Variants in LITAF observed in about 807,000 individuals in gnomAD.
LITAF encodes the protein lipopolysaccharide-induced tumor necrosis factor-alpha factor.
Under a neutral mutation model 14.5 loss-of-function variants are expected in LITAF, and 9 were observed. The ratio of observed to expected loss-of-function variants is 0.62; its 90% confidence interval spans 0.37 to 1.08. LITAF has a LOEUF of 1.08. LITAF is among the 50% of genes least tolerant of loss of function. The pLI, the probability that LITAF is intolerant of heterozygous loss-of-function variation, is 0.01. For missense variants in LITAF, 206 were observed against 213.4 expected, an observed-to-expected ratio of 0.97 and a Z score of 0.22; for synonymous variants, 98 against 88.2, an observed-to-expected ratio of 1.11 and a Z score of -0.62.
intron 1 of LITAF, among the ~76,000 whole-genome samples, chr16:11,585,161 G>T (rs759753751): frequency 2.0e-5 from 3 of 151,080 alleles, no homozygotes; most frequent in Non-Finnish European, 3.0e-5. Flanking sequence ...GGGTGGGGAG[G>T]GTTAGAGGTT....
At position 11,548,015 on chromosome 16, in the gene LITAF, G is replaced by T. The variant is rs1461424825; in HGVS notation, c.*1622C>A. 4.4e-6 allele frequency: 2 copies of T among 453,974 alleles called. No individual in the cohort carries two copies. Among genetic ancestry groups the T allele is most frequent in the Non-Finnish European group, 8.8e-6 (2 of 226,780 alleles). The allele number at this position is 453,974 out of a possible 1,614,324, so 28.1% of individuals were successfully genotyped here. A position where few individuals can be genotyped will look rare whatever the true frequency, so the allele number is the denominator to read the frequency against. On this transcript the variant is annotated 3_prime_UTR_variant, in exon 4 of 4. Coordinates refer to ENST00000622633, the MANE Select transcript of LITAF (RefSeq NM_001136472.2). ...TAAATAGTTCACCGGGTGAACCAAA[G>T]ACTTTATTTTTCAAAAGCAGGTAAC...
intron 3 of LITAF, among the ~76,000 whole-genome samples, chr16:11,622,604 T>G (rs2065058070): frequency 6.6e-6 from 1 of 152,236 alleles, no homozygotes; most frequent in African/African-American, 2.4e-5. Context: ...TCGAGATTGC[T>G]TTTGCACCGT....
At chr16:11,627,103 C>T (rs571702171) in intron 3 of LITAF, among the ~76,000 whole-genome samples, 2 of 152,272 alleles carry the variant, frequency 1.3e-5, no homozygotes, top group East Asian at 3.9e-4. Flanking sequence ...CCTTCCTAGC[C>T]CCAGGGGCTG....
At chr16:11,600,054 G>A (rs1476553595), upstream of LITAF, among the ~76,000 whole-genome samples, 1 of 152,062 alleles carries the variant, frequency 6.6e-6, no homozygotes, top group Non-Finnish European at 1.5e-5. The surrounding 1 kb of genome is among the most constrained non-coding windows in gnomAD (Gnocchi z 4.1). Context: ...GGAGTGCAGT[G>A]GCGTGATCAT....
chr16:11,555,572 T>C (rs975322484), intron 2 of LITAF, among the ~76,000 whole-genome samples: 2 of 150,616 alleles, frequency 1.3e-5, no homozygotes, highest in Non-Finnish European at 2.9e-5. Flanking sequence ...AGTGGGAGGA[T>C]CACTTGAGCC....
chr16:11,569,074 G>A (rs1040697119), intron 1 of LITAF, among the ~76,000 whole-genome samples: 5 of 152,172 alleles, frequency 3.3e-5, no homozygotes, highest in African/African-American at 1.2e-4. Context: ...GCCCAAAAGG[G>A]AAGGACGAGT....
rs150573543 is a variant in LITAF, at chr16:11,634,401, A to G, written c.-20-764T>C. Among the ~76,000 whole-genome samples the G allele has an allele frequency of 6.6e-6, 1 of 152,350 alleles. No individual in the cohort carries two copies. Among genetic ancestry groups the G allele is most frequent in the African/African-American group, 2.4e-5 (1 of 41,574 alleles). On this transcript the variant is annotated intron_variant, in intron 2 of 3. Coordinates refer to the LITAF transcript ENST00000574848. This position sits in a 1 kb window ranked among gnomAD's most constrained non-coding sequence, Gnocchi z 4.1. ...TTTGTGAAGGTAACAAAAGGCCACC[A>G]GGTTACGAAGCTAAGGAATGAGAGA...
rs140714668 is a variant in LITAF at position 11,556,534 on chromosome 16, G to A, written c.197C>T (p.Ala66Val). 24 of 1,613,932 alleles carry A rather than the reference G, an allele frequency of 1.5e-5. No homozygotes were observed. The highest frequency in any genetic ancestry group is 1.3e-4 in the African/African-American group (10 of 74,932). Residue 66 changes from alanine to valine, a missense_variant, in exon 2 of 4, where the codon GCG becomes GTG. Physicochemically the swap from Ala to Val is moderately conservative, Grantham distance 64. Coordinates refer to ENST00000622633, the MANE Select transcript of LITAF (RefSeq NM_001136472.2). ...ACTTGGATTGTTATTGGGGATGGGC[G>A]CTGGCTGGGTATAATACGAAGGAGG... ...MNPPSYYTQP[A>V]PIPNNNPITV... is the part of the protein sequence containing the mutation.
chr16:11,639,307 G>A (rs1484791488), upstream of LITAF, among the ~76,000 whole-genome samples: 1 of 151,514 alleles, frequency 6.6e-6, no homozygotes, highest in East Asian at 1.9e-4. Context: ...AGGGTGGGAG[G>A]GATAGACGGG....
chr16:11,571,775 C>T (rs1243135094), intron 1 of LITAF, among the ~76,000 whole-genome samples: 2 of 152,292 alleles, frequency 1.3e-5, no homozygotes, highest in South Asian at 2.1e-4. Flanking sequence ...CACGCCCTCT[C>T]GGCTGGCTCT....
rs1048690797 is a variant in LITAF at position 11,632,910 on chromosome 16, A to C, written c.85+623T>G. 3.9e-5 allele frequency among the ~76,000 whole-genome samples: 6 copies of C among 152,102 alleles called. No homozygotes were observed. The highest frequency in any genetic ancestry group is 1.4e-4 in the African/African-American group (6 of 41,434). Reference sequence around the variant, plus strand: ...CTGAGCCTCCTAGTGAAGGAAACAAAGGCCAGCTCTGAGGCCCGGGGCTGG... The same window carrying C: ...CTGAGCCTCCTAGTGAAGGAAACAACGGCCAGCTCTGAGGCCCGGGGCTGG... On this transcript the variant is annotated intron_variant, in intron 3 of 3. Coordinates refer to the LITAF transcript ENST00000574848. This position sits in a 1 kb window ranked among gnomAD's most constrained non-coding sequence, Gnocchi z 4.8.
chr16:11,597,906 G>T (rs927453579), intron 1 of LITAF, among the ~76,000 whole-genome samples: 2 of 152,050 alleles, frequency 1.3e-5, no homozygotes, highest in Non-Finnish European at 2.9e-5. Flanking sequence ...ATGCTTTTTT[G>T]CTTTCTTTTT....
intron 3 of LITAF, among the ~76,000 whole-genome samples, chr16:11,613,184 C>T (rs576346084): frequency 7.9e-5 from 12 of 152,144 alleles, no homozygotes; most frequent in Non-Finnish European, 1.6e-4. Context: ...GGACTACAGG[C>T]ACCTACCACC....
intron 3 of LITAF, among the ~76,000 whole-genome samples, chr16:11,625,259 A>T (rs1055714938): frequency 2.1e-5 from 3 of 139,868 alleles, no homozygotes; most frequent in African/African-American, 9.2e-5. Context: ...ATCACCTCCC[A>T]AAAACCTTTT....
At chr16:11,614,296 T>C (rs2141882496) in intron 3 of LITAF, among the ~76,000 whole-genome samples, 1 of 123,314 alleles carries the variant, frequency 8.1e-6, no homozygotes, top group East Asian at 2.5e-4. Context: ...TCTTTTTCTT[T>C]TCTTTTTTTT....
intron 3 of LITAF, among the ~76,000 whole-genome samples, chr16:11,609,744 T>C (rs111390219): frequency 0.018 from 2,805 of 152,224 alleles, 85 homozygotes; most frequent in African/African-American, 0.064. Context: ...CGTAAACATT[T>C]GTCCCTGGCA....
intron 1 of LITAF, among the ~76,000 whole-genome samples, chr16:11,597,953 C>T (rs2064901183): frequency 6.6e-6 from 1 of 152,176 alleles, no homozygotes; most frequent in Admixed American, 6.5e-5. Context: ...GTCACCCAGG[C>T]TGGAGTGCAG....
chr16:11,607,237 G>A (rs942572685), intron 3 of LITAF, among the ~76,000 whole-genome samples: 1 of 152,198 alleles, frequency 6.6e-6, no homozygotes, highest in Non-Finnish European at 1.5e-5. Context: ...CCTCAGCCTT[G>A]CATCACAGGC....
chr16:11,569,105 C>T (rs2064502691), intron 1 of LITAF, among the ~76,000 whole-genome samples: 1 of 152,286 alleles, frequency 6.6e-6, no homozygotes, highest in South Asian at 2.1e-4. Context: ...GTGTCCAAGG[C>T]TGAGAACTGC....
Sources: gnomAD v4.1 joint callset for allele counts (sites outside exome capture counted in the v4.1 genomes callset) on GRCh38, gnomAD v4.1.1 for gene constraint, Gnocchi (gnomAD v3.1) non-coding constraint, MANE v1.5 for transcripts, NCBI Gene and HGNC (gene_info 2026-07-23, HGNC 2026-07-21) for gene names.